The following DDHD1 variants were observed in gnomAD, a reference collection of about 807,000 sequenced individuals.
DDHD1 encodes the protein DDHD domain containing 1.
A neutral mutation model predicts 96.4 loss-of-function variants in DDHD1; 49 were observed. The ratio of observed to expected loss-of-function variants is 0.51; its 90% CI spans 0.40 to 0.64. DDHD1 has a LOEUF of 0.64. Ranked by LOEUF, DDHD1 falls within the 30% of genes least tolerant of loss-of-function variation. The pLI is 0.00. For synonymous variants in DDHD1, 442 were observed against 446.5 expected (o/e 0.99, Z 0.13); for missense variants, 1,106 against 1,161.2 (o/e 0.95, Z 0.69).
intron 1 of DDHD1, among the ~76,000 whole-genome samples, chr14:53,131,985 C>G (rs901097859): frequency 1.3e-5 from 2 of 152,172 alleles, no homozygotes; most frequent in African/African-American, 4.8e-5. Context: ...GAACTCCTTT[C>G]CTTCCTAGGC....
chr14:53,153,033 G>A lies in DDHD1; in HGVS notation c.66C>T (p.Gly22=). The change falls in exon 1 of 13, where the codon GGC becomes GGT. Residue 22 remains glycine (G), a synonymous_variant. Transcript: ENST00000673822. ...TCGCGTCTGAGCCCAGCTCCCAGGCGCCGCCGCCGCCGCCTCGGCCGTTAT... is the reference window on the plus strand; with the variant it reads ...TCGCGTCTGAGCCCAGCTCCCAGGCACCGCCGCCGCCGCCTCGGCCGTTAT... ...PEHNGRGGGG[G]AWELGSDARP... The A allele has an allele frequency of 3.4e-6, 5 of 1,488,690 alleles. No homozygotes were observed. Among genetic ancestry groups the A allele is most frequent in the Admixed American group, 2.4e-5 (1 of 40,918 alleles). The allele number at this position is 1,488,690 out of a possible 1,614,324, so 92.2% of individuals were successfully genotyped here.
Position 53,055,713 on chromosome 14 carries a change from G to C in DDHD1, c.2192C>G (p.Ser731Cys). ...TATAGATTCTCCATAGTGTCGGCGGGACAAAACTGGTGAGGTCACAGGGCT... is the reference window on the plus strand; with the variant it reads ...TATAGATTCTCCATAGTGTCGGCGGCACAAAACTGGTGAGGTCACAGGGCT... ...IPSPVTSPVL[S>C]RRHYGESITN... The change falls in exon 10 of 13, where the codon TCC (serine) becomes TGC (cysteine). Residue 731 changes from serine to cysteine, a missense_variant. Around this residue, in one of 2 missense-constraint regions of DDHD1, gnomAD observed 650 missense variants for 758.8 expected, o/e 0.86. Coordinates refer to ENST00000673822, the MANE Select transcript of DDHD1 (RefSeq NM_001160148.2). 1 of 1,614,042 alleles carries C rather than the reference G, an allele frequency of 6.2e-7. No individual in the cohort carries two copies. Among genetic ancestry groups the C allele is most frequent in the African/African-American group, 1.3e-5 (1 of 75,024 alleles).
At chr14:53,053,323 A>G (rs1882766657) in intron 11 of DDHD1, 1 of 152,164 alleles carries the variant, frequency 6.6e-6, no homozygotes, top group African/African-American at 2.4e-5. Context: ...ATAGAAGGTA[A>G]AATATATTTA....
At chr14:53,099,602 C>A (rs918539266) in intron 2 of DDHD1, among the ~76,000 whole-genome samples, 1 of 152,126 alleles carries the variant, frequency 6.6e-6, no homozygotes, top group Admixed American at 6.6e-5. Context: ...CTATTTTTTA[C>A]TGATTACTAT....
Position 53,041,546 on chromosome 14 carries a change from A to G in DDHD1, c.*5222T>C, listed in dbSNP as rs1330507463. 1 of 152,266 alleles carries G rather than the reference A, an allele frequency of 6.6e-6. No homozygotes were observed. Among genetic ancestry groups the G allele is most frequent in the Non-Finnish European group, 1.5e-5 (1 of 68,044 alleles). The allele number at this position is 152,266 out of a possible 1,614,324, so 9.4% of individuals were successfully genotyped here. A position where few individuals can be genotyped will look rare whatever the true frequency, so the allele number is the denominator to read the frequency against. ...TGTCATGAATTGATAAAAGGCCCACATAAACACTATGGAAAGGAATGTTAA... is the reference window on the plus strand; with the variant it reads ...TGTCATGAATTGATAAAAGGCCCACGTAAACACTATGGAAAGGAATGTTAA... On this transcript the variant is annotated 3_prime_UTR_variant, in exon 13 of 13. Transcript: ENST00000673822.
chr14:53,114,312 T>G (rs111856851), intron 1 of DDHD1, among the ~76,000 whole-genome samples: 2,011 of 152,320 alleles, frequency 0.013, 51 homozygotes, highest in African/African-American at 0.046. Context: ...ATTTAATCTT[T>G]CCTGCCTGCC....
intron 1 of DDHD1, among the ~76,000 whole-genome samples, chr14:53,136,854 T>C (rs1890273428): frequency 6.6e-6 from 1 of 152,130 alleles, no homozygotes; most frequent in Non-Finnish European, 1.5e-5. Context: ...CCAAAAGTAC[T>C]AAAGGAATCC....
At chr14:53,058,840 T>C (rs1405334553) in intron 8 of DDHD1, among the ~76,000 whole-genome samples, 2 of 152,220 alleles carry the variant, frequency 1.3e-5, no homozygotes, top group African/African-American at 2.4e-5. Context: ...TTAAATCTAA[T>C]ACAAGTTGAA....
chr14:53,153,004 G>A lies in DDHD1; in HGVS notation c.95C>T (p.Pro32Leu). ...GAWELGSDAR[P>L]AFGGGVCCFE... ...GCAGCAGACGCCGCCGCCGAACGCT[G>A]GCCTCGCGTCTGAGCCCAGCTCCCA... The change falls in exon 1 of 13, where the codon CCA (proline) becomes CTA (leucine). Residue 32 changes from proline to leucine, a missense_variant. Physicochemically the swap from Pro to Leu is moderately conservative, Grantham distance 98. Transcript: ENST00000673822. The A allele has an allele frequency of 6.5e-7, 1 of 1,540,666 alleles. No individual in the cohort carries two copies.
chr14:53,121,548 T>C (rs1307977312), intron 1 of DDHD1, among the ~76,000 whole-genome samples: 1 of 152,160 alleles, frequency 6.6e-6, no homozygotes, highest in Non-Finnish European at 1.5e-5. Context: ...TCATCAATGA[T>C]AGACTGGATA....
intron 4 of DDHD1, among the ~76,000 whole-genome samples, chr14:53,082,463 TA>T (rs1297391323): frequency 7.4e-6 from 1 of 134,452 alleles, no homozygotes; most frequent in Non-Finnish European, 1.6e-5. Context: ...TTTTTTTTTT[TA>T]AGAGATGAGG....
chr14:53,136,929 C>T (rs1443503865), intron 1 of DDHD1, among the ~76,000 whole-genome samples: 1 of 152,104 alleles, frequency 6.6e-6, no homozygotes, highest in Non-Finnish European at 1.5e-5. Context: ...GAAAATTCAA[C>T]ACATACCCAG....
At chr14:53,072,146 T>C (rs1234258369) in intron 6 of DDHD1, among the ~76,000 whole-genome samples, 1 of 152,086 alleles carries the variant, frequency 6.6e-6, no homozygotes, top group Non-Finnish European at 1.5e-5. Context: ...TTGGTGGAGA[T>C]TCTCTCATCT....
chr14:53,140,707 T>C (rs988481865), intron 1 of DDHD1, among the ~76,000 whole-genome samples: 1 of 151,994 alleles, frequency 6.6e-6, no homozygotes, highest in Non-Finnish European at 1.5e-5. Context: ...AATAGAAAAT[T>C]AGTAGCAGGA....
intron 1 of DDHD1, among the ~76,000 whole-genome samples, chr14:53,121,609 G>A (rs1335571201): frequency 1.3e-5 from 2 of 152,278 alleles, no homozygotes; most frequent in East Asian, 3.9e-4. Context: ...CCATAAAAAA[G>A]GATGCGTTCA....
Position 53,079,560 on chromosome 14 carries a change from T to G in DDHD1, c.1290-5713A>C, listed in dbSNP as rs976135092. On this transcript the variant is annotated intron_variant, in intron 4 of 12. Transcript: ENST00000673822. ...ATACTTTGTAGCATAGAATTGTGCA[T>G]AGTATTCCCTTACAATCCTTTTTAT... Among the ~76,000 whole-genome samples the G allele has an allele frequency of 2.8e-4, 42 of 152,248 alleles. 1 individual carries two copies. The highest frequency in any genetic ancestry group is 1.0e-3 in the African/African-American group (42 of 41,468).
intron 1 of DDHD1, among the ~76,000 whole-genome samples, chr14:53,121,844 A>T (rs932366253): frequency 6.6e-6 from 1 of 151,744 alleles, no homozygotes; most frequent in Non-Finnish European, 1.5e-5. Context: ...TGATGGGTTG[A>T]TAGGTGCAAC....
Position 53,079,327 on chromosome 14 carries a change from C to T in DDHD1, c.1290-5480G>A, listed in dbSNP as rs138826073. ...TAAGACACAGGATCTTACTATGTGG[C>T]CCAGGCTGAAGTGCAGTGGCTAGTC... On this transcript the variant is annotated intron_variant, in intron 4 of 12. Coordinates refer to ENST00000673822, the MANE Select transcript of DDHD1 (RefSeq NM_001160148.2). Among the ~76,000 whole-genome samples the T allele has an allele frequency of 9.7e-4, 147 of 152,054 alleles. 3 individuals are homozygous for T. Among genetic ancestry groups the T allele is most frequent in the African/African-American group, 3.4e-3 (140 of 41,484 alleles).
At chr14:53,114,333 A>T (rs1888383065) in intron 1 of DDHD1, among the ~76,000 whole-genome samples, 1 of 152,218 alleles carries the variant, frequency 6.6e-6, no homozygotes, top group Non-Finnish European at 1.5e-5. Flanking sequence ...GACTCTGAAG[A>T]CAGCAGTTGA....
Sources: allele counts gnomAD v4.1 joint callset (sites outside exome capture counted in the v4.1 genomes callset), GRCh38; gene constraint gnomAD v4.1.1; regional missense constraint gnomAD v4.1.1; transcripts MANE v1.5; gene names NCBI Gene and HGNC (gene_info 2026-07-23, HGNC 2026-07-21).